KCND2: variants seen among roughly 807,000 people sequenced by gnomAD.
The protein encoded by KCND2 is A-type voltage-gated potassium channel KCND2.
A neutral mutation model predicts 54.4 loss-of-function variants in KCND2; 16 were observed. The ratio of observed to expected loss-of-function variants is 0.29; its 90% CI spans 0.20 to 0.45. The LOEUF (loss-of-function observed/expected upper bound fraction) is 0.45, where lower values mean the gene tolerates loss of function less well. KCND2 is among the 20% of genes least tolerant of loss of function. The pLI is 1.00. For synonymous variants in KCND2, 317 were observed against 310.7 expected (o/e 1.02, Z -0.21); for missense variants, 486 against 824.2 (o/e 0.59, Z 5.02).
intron 1 of KCND2, among the ~76,000 whole-genome samples, chr7:120,575,262 C>G (rs1296184038): frequency 6.6e-6 from 1 of 152,148 alleles, no homozygotes; most frequent in Admixed American, 6.6e-5. Context: ...AACAGTGCAG[C>G]CTTCAGTCTA....
intron 1 of KCND2, among the ~76,000 whole-genome samples, chr7:120,430,113 A>G (rs1801768296): frequency 6.6e-6 from 1 of 152,190 alleles, no homozygotes; most frequent in Admixed American, 6.5e-5. Flanking sequence ...GGGTTAAACA[A>G]CAGAAATTTG....
At chr7:120,279,465 G>T (rs943224337) in intron 1 of KCND2, among the ~76,000 whole-genome samples, 1 of 151,882 alleles carries the variant, frequency 6.6e-6, no homozygotes, top group Non-Finnish European at 1.5e-5. Context: ...TTCAATATGG[G>T]AAAGTTGCTA....
intron 1 of KCND2, among the ~76,000 whole-genome samples, chr7:120,505,290 T>C (rs1368405088): frequency 1.3e-5 from 2 of 151,684 alleles, no homozygotes; most frequent in Admixed American, 1.3e-4. Context: ...CCCCTTAACA[T>C]CTATCTTAGG....
chr7:120,589,989 G>T (rs939297318), intron 1 of KCND2, among the ~76,000 whole-genome samples: 2 of 152,026 alleles, frequency 1.3e-5, no homozygotes, highest in African/African-American at 2.4e-5. Context: ...TTTCACAAAG[G>T]CTCGTTATTT....
chr7:120,369,375 CA>C (rs1009182470), intron 1 of KCND2, among the ~76,000 whole-genome samples: 1 of 151,892 alleles, frequency 6.6e-6, no homozygotes, highest in Non-Finnish European at 1.5e-5. Flanking sequence ...TTTTAATCTT[CA>C]AAAAACAACA....
chr7:120,341,864 A>G (rs1299917418), intron 1 of KCND2, among the ~76,000 whole-genome samples: 5 of 152,130 alleles, frequency 3.3e-5, no homozygotes, highest in Non-Finnish European at 7.4e-5. Flanking sequence ...TGGTTGCAAC[A>G]GTGAAGATAA....
At chr7:120,342,847 G>C (rs1800260659) in intron 1 of KCND2, among the ~76,000 whole-genome samples, 2 of 152,100 alleles carry the variant, frequency 1.3e-5, no homozygotes, top group Non-Finnish European at 2.9e-5. Flanking sequence ...AATTGTAGTT[G>C]CTTATAGAGA....
chr7:120,399,736 A>ATTTATTTATTTT (rs1019592259), intron 1 of KCND2, among the ~76,000 whole-genome samples: 1 of 149,302 alleles, frequency 6.7e-6, no homozygotes, highest in Non-Finnish European at 1.5e-5. Context: ...TTATTTATTT[A>ATTTATTTATTTT]TTCATTTGAA....
intron 1 of KCND2, among the ~76,000 whole-genome samples, chr7:120,563,899 C>T (rs149479441): frequency 3.2e-4 from 48 of 152,276 alleles, no homozygotes; most frequent in African/African-American, 1.1e-3. Flanking sequence ...CCCCTTGAAG[C>T]CTTTACTTAT....
At chr7:120,456,298 C>T (rs1584786521) in intron 1 of KCND2, among the ~76,000 whole-genome samples, 1 of 152,144 alleles carries the variant, frequency 6.6e-6, no homozygotes, top group Non-Finnish European at 1.5e-5. Flanking sequence ...ATTTACCTAA[C>T]TTCTCTACCA....
At chr7:120,329,074 G>T (rs1800024168) in intron 1 of KCND2, among the ~76,000 whole-genome samples, 1 of 149,590 alleles carries the variant, frequency 6.7e-6, no homozygotes, top group South Asian at 2.1e-4. Context: ...ATAACATTTT[G>T]TGGAAAGATG....
In KCND2 at chr7:120,732,903, G is replaced by A. The variant is rs965021427; in HGVS notation, c.1116G>A (p.Gly372=). The part of the protein sequence containing the change: ...WYTIVTMTTL[G]YGDMVPKTIA... Reference sequence around the variant, plus strand: ...TATATATATTTTTTCTTTAACTCAGGTATGGTGACATGGTGCCAAAAACCA... The same window carrying A: ...TATATATATTTTTTCTTTAACTCAGATATGGTGACATGGTGCCAAAAACCA... Residue 372 remains glycine, a splice_region_variant and synonymous_variant, in exon 2 of 6, where the codon GGG becomes GGA. Transcript: ENST00000331113. 6.2e-7 allele frequency: 1 copy of A among 1,612,124 alleles called. No homozygotes were observed. The highest frequency in any genetic ancestry group is 1.3e-5 in the African/African-American group (1 of 74,724).
chr7:120,407,589 A>G (rs1463120120), intron 1 of KCND2, among the ~76,000 whole-genome samples: 1 of 152,018 alleles, frequency 6.6e-6, no homozygotes, highest in Non-Finnish European at 1.5e-5. Context: ...TAAAATGGAC[A>G]AACTAAGACC....
Position 120,275,739 on chromosome 7 carries a change from A to T in KCND2, c.1107A>T (p.Thr369=). 1 of 1,600,436 alleles carries T rather than the reference A, an allele frequency of 6.2e-7. No homozygotes were observed. Among genetic ancestry groups the T allele is most frequent in the Admixed American group, 1.7e-5 (1 of 60,024 alleles). The part of the protein sequence containing the change: ...AAFWYTIVTM[T]TLGYGDMVPK... ...TCTGGTATACCATCGTCACCATGAC[A>T]ACACTAGGGTAGGTGCCATAATGGG... The change falls in exon 1 of 6, where the codon ACA becomes ACT. Residue 369 remains threonine (T), a synonymous_variant. Transcript: ENST00000331113.
intron 1 of KCND2, among the ~76,000 whole-genome samples, chr7:120,353,941 G>A (rs1443341025): frequency 6.6e-6 from 1 of 152,094 alleles, no homozygotes; most frequent in Admixed American, 6.5e-5. Context: ...TAAGAATGTG[G>A]ATGCAGCAAA....
At chr7:120,441,662 G>C (rs761035386) in intron 1 of KCND2, among the ~76,000 whole-genome samples, 4 of 152,102 alleles carry the variant, frequency 2.6e-5, no homozygotes, top group Non-Finnish European at 4.4e-5. Flanking sequence ...TTAACCTGTA[G>C]AAGATTTTCC....
intron 1 of KCND2, among the ~76,000 whole-genome samples, chr7:120,489,334 C>A (rs536587797): frequency 2.0e-5 from 3 of 151,902 alleles, no homozygotes; most frequent in Non-Finnish European, 4.4e-5. Context: ...ATATGTAATA[C>A]ATATACAATA....
chr7:120,353,645 A>G lies in KCND2; in HGVS notation c.1115+77898A>G, dbSNP rs184303102. On this transcript the variant is annotated intron_variant, in intron 1 of 5. Coordinates refer to ENST00000331113, the MANE Select transcript of KCND2 (RefSeq NM_012281.3). ...CTATCTATAGGGCGTCTAGTAGACC[A>G]TCAAACATATGGGTCTATAGCTCAA... 7.4e-4 allele frequency among the ~76,000 whole-genome samples: 113 copies of G among 152,274 alleles called. 1 individual carries two copies. Among genetic ancestry groups the G allele is most frequent in the Non-Finnish European group, 1.2e-3 (83 of 68,008 alleles).
At chr7:120,569,833 A>G (rs1469513105) in intron 1 of KCND2, among the ~76,000 whole-genome samples, 1 of 152,172 alleles carries the variant, frequency 6.6e-6, no homozygotes, top group Non-Finnish European at 1.5e-5. Flanking sequence ...GTTAAGGTTG[A>G]TTTGTAATTG....
Sources: gnomAD v4.1 joint callset for allele counts (sites outside exome capture counted in the v4.1 genomes callset) on GRCh38, gnomAD v4.1.1 for gene constraint, MANE v1.5 for transcripts, NCBI Gene and HGNC (gene_info 2026-07-23, HGNC 2026-07-21) for gene names.